CAPS2: variants seen among roughly 807,000 people sequenced by gnomAD.
The protein encoded by CAPS2 is calcyphosin-2.
A neutral mutation model predicts 86.5 loss-of-function variants in CAPS2; 98 were observed. The observed-to-expected ratio is 1.13, with a 90% CI of 0.96 to 1.34. CAPS2 has a LOEUF of 1.34. Among genes scored for constraint, CAPS2 ranks in the 40% most tolerant of loss-of-function variants. The probability of loss-of-function intolerance (pLI) is 0.00; values close to 1 mark genes in which losing one functional copy is unlikely to be tolerated. For synonymous variants in CAPS2, 210 were observed against 225.1 expected, an observed-to-expected ratio of 0.93 and a Z score of 0.60; for missense variants, 729 against 686.8, an observed-to-expected ratio of 1.06 and a Z score of -0.69.
upstream of CAPS2, chr12:75,326,576 T>A (rs1473360459): frequency 8.6e-6 from 7 of 811,282 alleles, no homozygotes; most frequent in Non-Finnish European, 1.4e-5. Context: ...TACTCTAATT[T>A]TAAATAAGTC....
At chr12:75,278,500 A>G in exon 17 of CAPS2, 3 of 988,234 alleles carry the variant, frequency 3.0e-6, no homozygotes, top group Non-Finnish European at 3.6e-6. Flanking sequence ...AGCAAAAAAC[A>G]ATGTGAAAGG....
chr12:75,363,738 T>A (rs2043776807), intron 1 of CAPS2, among the ~76,000 whole-genome samples: 1 of 152,158 alleles, frequency 6.6e-6, no homozygotes, highest in Non-Finnish European at 1.5e-5. Flanking sequence ...AGAGATTTAT[T>A]CTGAGCAAAC....
chr12:75,300,473 G>A (rs2037647059), intron 8 of CAPS2, among the ~76,000 whole-genome samples: 2 of 147,664 alleles, frequency 1.4e-5, no homozygotes, highest in South Asian at 2.1e-4. Context: ...GGAGAATGGC[G>A]TGAACCCGGG....
downstream of CAPS2, chr12:75,277,112 T>A (rs1012508904): frequency 1.0e-6 from 1 of 983,420 alleles, no homozygotes; most frequent in Non-Finnish European, 1.2e-6. Flanking sequence ...AGCTATTTCC[T>A]ACAAATAACC....
intron 1 of CAPS2, among the ~76,000 whole-genome samples, chr12:75,351,576 C>T (rs907422439): frequency 1.7e-4 from 25 of 150,754 alleles, no homozygotes; most frequent in African/African-American, 6.1e-4. Context: ...AGATGGAGTC[C>T]CACTCTGTCA....
At chr12:75,384,225 G>T (rs555035885) in intron 1 of CAPS2, among the ~76,000 whole-genome samples, 2 of 152,184 alleles carry the variant, frequency 1.3e-5, no homozygotes, top group African/African-American at 2.4e-5. Context: ...TCAAAAGCTG[G>T]TTTTTTAAGG....
intron 15 of CAPS2, among the ~76,000 whole-genome samples, chr12:75,283,048 T>C (rs536590839): frequency 6.6e-6 from 1 of 152,316 alleles, no homozygotes; most frequent in Non-Finnish European, 1.5e-5. Flanking sequence ...ACGAATATTT[T>C]AACTCAAGAA....
intron 1 of CAPS2, among the ~76,000 whole-genome samples, chr12:75,349,259 C>T (rs890870475): frequency 6.6e-6 from 1 of 152,134 alleles, no homozygotes; most frequent in Non-Finnish European, 1.5e-5. Context: ...AATGTAAAAC[C>T]TGAAAGGATC....
At chr12:75,304,721 G>A in intron 8 of CAPS2, 36 bp downstream of exon 8, 1 of 1,438,674 alleles carries the variant, frequency 7.0e-7, no homozygotes, top group Non-Finnish European at 9.5e-7. Flanking sequence ...TTAGAACATA[G>A]TGCATCCTCA....
intron 5 of CAPS2, 63 bp from the exon 6 acceptor site, chr12:75,316,497 A>G: frequency 2.2e-6 from 3 of 1,379,582 alleles, no homozygotes; most frequent in Non-Finnish European, 2.9e-6. Context: ...TTTTAACAAA[A>G]TATGGGAATA....
At chr12:75,317,757 T>C (rs2039912935) in intron 5 of CAPS2, among the ~76,000 whole-genome samples, 1 of 152,162 alleles carries the variant, frequency 6.6e-6, no homozygotes. Context: ...ATGTAATCAT[T>C]ATCACAATCA....
At chr12:75,347,190 T>C (rs1190782477) in intron 1 of CAPS2, among the ~76,000 whole-genome samples, 1 of 152,108 alleles carries the variant, frequency 6.6e-6, no homozygotes, top group Non-Finnish European at 1.5e-5. Context: ...TGGTTAAGAT[T>C]GCAAAATTTA....
At chr12:75,357,189 C>A (rs2043210455) in intron 1 of CAPS2, among the ~76,000 whole-genome samples, 1 of 151,858 alleles carries the variant, frequency 6.6e-6, no homozygotes, top group Non-Finnish European at 1.5e-5. Flanking sequence ...GACTCCATCG[C>A]TAAATAAATA....
intron 1 of CAPS2, among the ~76,000 whole-genome samples, chr12:75,386,112 C>T (rs2139849503): frequency 6.6e-6 from 1 of 151,804 alleles, no homozygotes; most frequent in East Asian, 1.9e-4. Flanking sequence ...TAATGTAACC[C>T]CAATCAAAAT....
exon 17 of CAPS2, chr12:75,278,050 A>G: frequency 1.1e-6 from 1 of 881,960 alleles, no homozygotes; most frequent in Non-Finnish European, 1.4e-6. Context: ...GGATTCATAT[A>G]TGCAACAATA....
intron 2 of CAPS2, among the ~76,000 whole-genome samples, chr12:75,323,528 G>A (rs2040495050): frequency 1.3e-5 from 2 of 152,304 alleles, no homozygotes; most frequent in Admixed American, 1.3e-4. Flanking sequence ...CAGATCACCT[G>A]AGGTCGGGAG....
intron 14 of CAPS2, among the ~76,000 whole-genome samples, chr12:75,285,628 C>G (rs979223290): frequency 6.6e-6 from 1 of 151,860 alleles, no homozygotes; most frequent in African/African-American, 2.4e-5. Context: ...TCTCCCCATG[C>G]TCTGGTAACA....
chr12:75,388,212 C>T (rs961957032), intron 1 of CAPS2, among the ~76,000 whole-genome samples: 2 of 152,134 alleles, frequency 1.3e-5, no homozygotes, highest in Non-Finnish European at 2.9e-5. Context: ...TTGGCTGCCA[C>T]CATGTAAGAT....
At position 75,291,144 on chromosome 12, in the gene CAPS2, C is replaced by A. The variant is rs542904811; in HGVS notation, c.1240+600G>T. ...CCCTGGAAATTTCATATGAGAAGTA[C>A]TATCATCCCTATTTTAGAGATGAAG... On this transcript the variant is annotated intron_variant, in intron 13 of 16. Coordinates refer to ENST00000393284, the Ensembl canonical transcript of CAPS2. Among the ~76,000 whole-genome samples the A allele has an allele frequency of 3.3e-5, 5 of 151,952 alleles. No individual in the cohort carries two copies. In the East Asian group the frequency reaches 7.8e-4, roughly 24 times the overall value.
Sources: allele counts gnomAD v4.1 joint callset (sites outside exome capture counted in the v4.1 genomes callset), GRCh38; gene constraint gnomAD v4.1.1; transcripts MANE v1.5; gene names NCBI Gene and HGNC (gene_info 2026-07-23, HGNC 2026-07-21).